EPB41L1: variants seen among roughly 807,000 people sequenced by gnomAD.
The protein encoded by EPB41L1 is band 4.1-like protein 1.
A neutral mutation model predicts 97.8 loss-of-function variants in EPB41L1; 29 were observed. The ratio of observed to expected loss-of-function variants is 0.30; its 90% CI spans 0.22 to 0.40. EPB41L1 has a LOEUF of 0.40. EPB41L1 is among the 10% of genes least tolerant of loss of function. EPB41L1 has a pLI of 1.00. For synonymous variants in EPB41L1, 383 were observed against 459.2 expected, an observed-to-expected ratio of 0.83 and a Z score of 2.12; for missense variants, 812 against 1,162.3, an observed-to-expected ratio of 0.70 and a Z score of 4.38.
chr20:36,102,662 C>T (rs948632928), intron 1 of EPB41L1, among the ~76,000 whole-genome samples: 1 of 152,234 alleles, frequency 6.6e-6, no homozygotes, highest in Non-Finnish European at 1.5e-5. Context: ...TCCCTGGCTT[C>T]ACCCACCACT....
chr20:36,191,701 A>G (rs2061958346), intron 11 of EPB41L1, among the ~76,000 whole-genome samples: 1 of 152,132 alleles, frequency 6.6e-6, no homozygotes, highest in Non-Finnish European at 1.5e-5. Context: ...TGTTCTCTGG[A>G]CACTGGAAGT....
At chr20:36,126,345 G>T (rs1042531347) in intron 2 of EPB41L1, among the ~76,000 whole-genome samples, 1 of 151,892 alleles carries the variant, frequency 6.6e-6, no homozygotes, top group African/African-American at 2.4e-5. Flanking sequence ...GTACAAAAAG[G>T]CAGTTCCAGT....
chr20:36,208,469 G>A (rs201939120), intron 14 of EPB41L1: 124 of 309,392 alleles, frequency 4.0e-4, no homozygotes, highest in Non-Finnish European at 1.7e-4. Context: ...AGGATGCATC[G>A]CCGCCTTAGG....
chr20:36,191,721 A>G (rs2061958827), intron 11 of EPB41L1, among the ~76,000 whole-genome samples: 1 of 152,154 alleles, frequency 6.6e-6, no homozygotes, highest in Non-Finnish European at 1.5e-5. Flanking sequence ...TGGTTCATAA[A>G]TATCTGAATG....
chr20:36,198,679 G>A (rs1360677683), intron 14 of EPB41L1, among the ~76,000 whole-genome samples: 2 of 152,200 alleles, frequency 1.3e-5, no homozygotes, highest in African/African-American at 4.8e-5. Context: ...AGGATTTGGG[G>A]AAGCACTGCA....
At chr20:36,140,856 A>G (rs2059611856) in intron 2 of EPB41L1, among the ~76,000 whole-genome samples, 1 of 152,054 alleles carries the variant, frequency 6.6e-6, no homozygotes, top group African/African-American at 2.4e-5. Flanking sequence ...TCCCCTAATG[A>G]GACAGGCCCA....
intron 2 of EPB41L1, among the ~76,000 whole-genome samples, chr20:36,145,946 T>C (rs115548844): frequency 0.012 from 1,864 of 152,282 alleles, 35 homozygotes; most frequent in African/African-American, 0.043. Flanking sequence ...TGATTCTACC[T>C]TGTAATTCCC....
intron 1 of EPB41L1, among the ~76,000 whole-genome samples, chr20:36,157,685 A>G (rs1237920853): frequency 6.6e-6 from 1 of 152,176 alleles, no homozygotes; most frequent in Non-Finnish European, 1.5e-5. Flanking sequence ...GTAGGGGTAG[A>G]TAAGTACTGA....
At position 36,206,495 on chromosome 20, in the gene EPB41L1, A is replaced by G; in HGVS notation, c.1669-2993A>G. The G allele has an allele frequency of 6.2e-6, 8 of 1,289,848 alleles. No homozygotes were observed. Among genetic ancestry groups the G allele is most frequent in the Non-Finnish European group, 8.1e-6 (8 of 988,886 alleles). 79.9% of individuals were successfully genotyped at this position (1,289,848 alleles called of 1,614,324 possible). A position where few individuals can be genotyped will look rare whatever the true frequency, so the allele number is the denominator to read the frequency against. ...TTCTATTTAAATTATGAAGAAAAAGACTCAGAAGACCAAGTCCTCCCTCCA... is the reference window on the plus strand; with the variant it reads ...TTCTATTTAAATTATGAAGAAAAAGGCTCAGAAGACCAAGTCCTCCCTCCA... On this transcript the variant is annotated intron_variant, in intron 14 of 21. Transcript: ENST00000338074. This position sits in a 1 kb window ranked among gnomAD's most constrained non-coding sequence, Gnocchi z 5.5.
chr20:36,179,865 T>C (rs557826182), intron 5 of EPB41L1, among the ~76,000 whole-genome samples: 1 of 152,288 alleles, frequency 6.6e-6, no homozygotes, highest in South Asian at 2.1e-4. Flanking sequence ...AGTGCACTCC[T>C]CGGGGGGCTG....
intron 1 of EPB41L1, among the ~76,000 whole-genome samples, chr20:36,168,711 G>A (rs940959986): frequency 7.9e-5 from 12 of 151,564 alleles, no homozygotes; most frequent in African/African-American, 1.2e-4. Flanking sequence ...GTGCCACCAC[G>A]CCCAGCTAAT....
At position 36,206,367 on chromosome 20, in the gene EPB41L1, C is replaced by T. The variant is rs1243123951; in HGVS notation, c.1669-3121C>T. The T allele has an allele frequency of 3.1e-6, 4 of 1,289,818 alleles. No individual in the cohort carries two copies. Among genetic ancestry groups the T allele is most frequent in the Non-Finnish European group, 4.0e-6 (4 of 988,908 alleles). 79.9% of individuals were successfully genotyped at this position (1,289,818 alleles called of 1,614,324 possible). A position where few individuals can be genotyped will look rare whatever the true frequency, so the allele number is the denominator to read the frequency against. On this transcript the variant is annotated intron_variant, in intron 14 of 21. Coordinates refer to ENST00000338074, the MANE Select transcript of EPB41L1 (RefSeq NM_012156.2). The surrounding 1 kb of genome is among the most constrained non-coding windows in gnomAD (Gnocchi z 5.5). ...CAGAGGTGGACGTCCTCTCTCCAGC[C>T]TCCGACAAGGGAGGACTCCAGTCGT...
intron 7 of EPB41L1, among the ~76,000 whole-genome samples, chr20:36,187,376 A>G (rs538790881): frequency 3.8e-4 from 58 of 152,226 alleles, no homozygotes; most frequent in Non-Finnish European, 7.8e-4. Context: ...AGTAGAATTT[A>G]TAGCTCACAG....
At position 36,212,562 on chromosome 20, in the gene EPB41L1, A is replaced by T. The variant is rs1404263415; in HGVS notation, c.2184+186A>T. On this transcript the variant is annotated intron_variant, in intron 16 of 21. Transcript: ENST00000338074. This position sits in a 1 kb window ranked among gnomAD's most constrained non-coding sequence, Gnocchi z 4.8. ...TGAGCTCTGGGGAGGGGCAACGGGT[A>T]AAGCAGGTTCCTGTCCTGGGCAGAC... Among the ~76,000 whole-genome samples, 1 of 152,194 alleles carries T rather than the reference A, an allele frequency of 6.6e-6. No individual in the cohort carries two copies. Among genetic ancestry groups the T allele is most frequent in the Non-Finnish European group, 1.5e-5 (1 of 68,036 alleles).
At chr20:36,198,656 A>G (rs548572856) in intron 14 of EPB41L1, among the ~76,000 whole-genome samples, 3 of 152,268 alleles carry the variant, frequency 2.0e-5, no homozygotes, top group South Asian at 2.1e-4. Flanking sequence ...TCGATTGAAG[A>G]AGAGATAAAG....
intron 5 of EPB41L1, among the ~76,000 whole-genome samples, chr20:36,179,082 G>GAA (rs796316378): frequency 6.3e-5 from 5 of 79,656 alleles, no homozygotes; most frequent in East Asian, 7.4e-4. Context: ...CTCGAAAAAA[G>GAA]AAAAAAAAAA....
intron 3 of EPB41L1, 99 bp from the exon 4 acceptor site, chr20:36,177,853 C>T: frequency 1.0e-6 from 1 of 968,956 alleles, no homozygotes; most frequent in Non-Finnish European, 1.6e-6. Flanking sequence ...ACCGAAAGGC[C>T]CTTGGGGTTT....
rs1167302228 is a variant in EPB41L1, at chr20:36,126,387, A to G, written c.-10+13907A>G. Among the ~76,000 whole-genome samples the G allele has an allele frequency of 2.1e-5, 3 of 144,530 alleles. No individual in the cohort carries two copies. In the East Asian group the frequency reaches 6.0e-4, roughly 29 times the overall value. The allele number at this position is 144,530 out of a possible 152,430, so 94.8% of individuals were successfully genotyped here. A position where few individuals can be genotyped will look rare whatever the true frequency, so the allele number is the denominator to read the frequency against. ...AATTTTTTTTTTTTTTTTTTTTGAG[A>G]CAGAGTTTCACTCTTGTTGCCCAGG... On this transcript the variant is annotated intron_variant, in intron 2 of 19. Transcript: ENST00000202028.
chr20:36,183,749 T>A (rs1176994819), intron 6 of EPB41L1, among the ~76,000 whole-genome samples: 1 of 152,176 alleles, frequency 6.6e-6, no homozygotes, highest in Non-Finnish European at 1.5e-5. Context: ...GATTTCTGAA[T>A]TTTGAGACTT....
Sources: gnomAD v4.1 joint callset for allele counts (sites outside exome capture counted in the v4.1 genomes callset) on GRCh38, gnomAD v4.1.1 for gene constraint, Gnocchi (gnomAD v3.1) non-coding constraint, MANE v1.5 for transcripts, NCBI Gene and HGNC (gene_info 2026-07-23, HGNC 2026-07-21) for gene names.